The following CSE1L variants were observed in gnomAD, a reference collection of about 807,000 sequenced individuals.
CSE1L encodes the protein exportin-2.
A neutral mutation model predicts 120.4 loss-of-function variants in CSE1L; 24 were observed. The observed-to-expected ratio is 0.20, with a 90% confidence interval of 0.14 to 0.28. The LOEUF is 0.28. Ranked by LOEUF, CSE1L falls within the 10% of genes least tolerant of loss-of-function variation. The pLI, the probability that CSE1L is intolerant of heterozygous loss-of-function variation, is 1.00. For synonymous variants in CSE1L, 402 were observed against 398.3 expected (o/e 1.01, Z -0.11); for missense variants, 830 against 1,145.2 (o/e 0.72, Z 3.97).
In CSE1L at chr20:49,060,562, G is replaced by A. The variant is rs1328222612; in HGVS notation, c.85+2014G>A. On this transcript the variant is annotated intron_variant, in intron 2 of 24. Transcript: ENST00000262982. The stretch of plus-strand genomic sequence containing the variant: ...AAGCCCAGGAGGGCAGATCACCTGA[G>A]GTCAGGAGTTTGAGACCAGCCTGGC... 5.3e-5 allele frequency among the ~76,000 whole-genome samples: 8 copies of A among 152,122 alleles called. No individual in the cohort carries two copies. In the East Asian group the frequency reaches 1.2e-3, roughly 22 times the overall value.
chr20:49,058,329 C>A, intron 1 of CSE1L, 124 bp from the exon 2 acceptor site: 1 of 543,446 alleles, frequency 1.8e-6, no homozygotes. Flanking sequence ...GTTTACTGCC[C>A]ATATAAAAAA....
At chr20:49,065,312 A>ATTTTTTTTTTTTTTTT (rs1568769017) in intron 3 of CSE1L, among the ~76,000 whole-genome samples, 6 of 79,416 alleles carry the variant, frequency 7.6e-5, no homozygotes, top group Admixed American at 1.5e-4. Flanking sequence ...ATGAAAAAAA[A>ATTTTTTTTTTTTTTTT]ATTTTTTTTT....
intron 6 of CSE1L, among the ~76,000 whole-genome samples, 179 bp downstream of exon 6, chr20:49,067,459 T>C (rs2091901691): frequency 1.3e-5 from 2 of 152,202 alleles, no homozygotes; most frequent in Non-Finnish European, 2.9e-5. Context: ...CCATCTATTA[T>C]TACACAAATT....
chr20:49,065,528 C>T lies in CSE1L; in HGVS notation c.229-664C>T, dbSNP rs533852198. On this transcript the variant is annotated intron_variant, in intron 3 of 24. Coordinates refer to ENST00000262982, the MANE Select transcript of CSE1L (RefSeq NM_001316.4). ...GTAGAAATGGTTTCACCATGTTGGC[C>T]AGGCTGGTCTCAAACTCCTGACCTT... Among the ~76,000 whole-genome samples, 72 of 148,892 alleles carry T rather than the reference C, an allele frequency of 4.8e-4. 2 individuals are homozygous for T. The South Asian group carries it at 0.015, about 31-fold the overall frequency.
chr20:49,047,108 T>C (rs1461402232), intron 1 of CSE1L, among the ~76,000 whole-genome samples: 1 of 152,176 alleles, frequency 6.6e-6, no homozygotes, highest in Non-Finnish European at 1.5e-5. Context: ...GGAGAAACGC[T>C]GTGCTGTGGT....
At chr20:49,086,924 A>G (rs1196763301) in intron 16 of CSE1L, among the ~76,000 whole-genome samples, 1 of 152,206 alleles carries the variant, frequency 6.6e-6, no homozygotes, top group East Asian at 1.9e-4. Flanking sequence ...AGGGATAGGT[A>G]GCAATCTGTT....
intron 17 of CSE1L, among the ~76,000 whole-genome samples, chr20:49,088,586 G>A (rs1462741858): frequency 2.6e-5 from 4 of 152,088 alleles, no homozygotes; most frequent in African/African-American, 7.2e-5. Flanking sequence ...AAATAAATCC[G>A]TTTAAGGCTG....
intron 3 of CSE1L, among the ~76,000 whole-genome samples, chr20:49,065,213 T>C (rs781771372): frequency 7.7e-4 from 116 of 150,946 alleles, no homozygotes; most frequent in African/African-American, 2.7e-3. Context: ...AAGTGAGAGT[T>C]AAATTGAAGC....
At chr20:49,050,988 A>C (rs2091762429) in intron 1 of CSE1L, among the ~76,000 whole-genome samples, 1 of 152,262 alleles carries the variant, frequency 6.6e-6, no homozygotes, top group Admixed American at 6.5e-5. Flanking sequence ...TTTTTAAAAT[A>C]GTACAACAAA....
intron 21 of CSE1L, 124 bp downstream of exon 21, chr20:49,091,146 C>T (rs555226826): frequency 1.3e-5 from 9 of 712,864 alleles, no homozygotes; most frequent in African/African-American, 1.8e-5. Context: ...TACTTGGCCA[C>T]GTGTGGAGGT....
intron 1 of CSE1L, among the ~76,000 whole-genome samples, chr20:49,057,454 C>CTTTT (rs535693108): frequency 8.9e-6 from 1 of 112,756 alleles, no homozygotes; most frequent in Non-Finnish European, 1.8e-5. Context: ...GTTGTGGGGC[C>CTTTT]TTTTTTTTTT....
intron 21 of CSE1L, among the ~76,000 whole-genome samples, 179 bp from the exon 22 acceptor site, chr20:49,091,867 A>G (rs982602774): frequency 1.2e-4 from 18 of 152,198 alleles, no homozygotes; most frequent in African/African-American, 4.1e-4. Flanking sequence ...TAAATCAAAG[A>G]GAGACAGCAT....
At chr20:49,066,326 C>G (rs780319629) in intron 4 of CSE1L, 33 bp downstream of exon 4, 9 of 1,614,096 alleles carry the variant, frequency 5.6e-6, no homozygotes, top group Non-Finnish European at 6.8e-6. Context: ...ATGGGCTCCT[C>G]TGTAAAGCTC....
intron 16 of CSE1L, 86 bp downstream of exon 16, chr20:49,085,472 C>G: frequency 3.6e-6 from 3 of 832,268 alleles, no homozygotes; most frequent in Non-Finnish European, 5.8e-6. Context: ...TCAGGTTATA[C>G]AGTCTATGAA....
At chr20:49,089,103 C>G in intron 17 of CSE1L, 144 bp from the exon 18 acceptor site, 1 of 670,464 alleles carries the variant, frequency 1.5e-6, no homozygotes, top group East Asian at 3.2e-5. Context: ...AAAAAAAATT[C>G]AAATGAACAA....
chr20:49,053,673 T>G (rs902457749), intron 1 of CSE1L, among the ~76,000 whole-genome samples: 2 of 152,170 alleles, frequency 1.3e-5, no homozygotes, highest in Non-Finnish European at 2.9e-5. Context: ...ATTTCATAAC[T>G]GATCCACCAT....
At chr20:49,092,853 T>TA (rs1278261488) in intron 22 of CSE1L, among the ~76,000 whole-genome samples, 4 of 152,072 alleles carry the variant, frequency 2.6e-5, no homozygotes, top group African/African-American at 9.7e-5. Context: ...CCCCCTTTTT[T>TA]AAAAAATCGT....
chr20:49,065,324 T>A (rs1431402766), intron 3 of CSE1L, among the ~76,000 whole-genome samples: 2 of 114,472 alleles, frequency 1.7e-5, no homozygotes, highest in African/African-American at 3.2e-5. Context: ...TTTTTTTTTT[T>A]TTTTTTTTTT....
chr20:49,064,572 T>C (rs1267993660), intron 3 of CSE1L, among the ~76,000 whole-genome samples: 1 of 151,862 alleles, frequency 6.6e-6, no homozygotes, highest in Non-Finnish European at 1.5e-5. Context: ...TAGCGAGGCA[T>C]ATGGTGGTGC....
Sources: gnomAD v4.1 joint callset for allele counts (sites outside exome capture counted in the v4.1 genomes callset) on GRCh38, gnomAD v4.1.1 for gene constraint, MANE v1.5 for transcripts, NCBI Gene and HGNC (gene_info 2026-07-23, HGNC 2026-07-21) for gene names.